Variants in KDM4C observed in about 807,000 individuals in gnomAD.
The protein encoded by KDM4C is lysine demethylase 4C, also known as lysine-specific demethylase 4C.
In KDM4C, 81 loss-of-function variants were observed where a neutral mutation model predicts 129.3. The observed-to-expected ratio is 0.63, with a 90% CI of 0.52 to 0.75. The LOEUF (loss-of-function observed/expected upper bound fraction) is 0.75, where lower values mean the gene tolerates loss of function less well. Among genes scored for constraint, KDM4C ranks in the 30% least tolerant of loss-of-function variants. The probability of loss-of-function intolerance (pLI) is 0.00; values close to 1 mark genes in which losing one functional copy is unlikely to be tolerated. For synonymous variants in KDM4C, 573 were observed against 456.1 expected, an observed-to-expected ratio of 1.26 and a Z score of -3.26; for missense variants, 1,457 against 1,304.0, an observed-to-expected ratio of 1.12 and a Z score of -1.81.
intron 19 of KDM4C, among the ~76,000 whole-genome samples, chr9:7,147,883 G>T (rs549934682): frequency 6.6e-6 from 1 of 152,198 alleles, no homozygotes; most frequent in East Asian, 1.9e-4. Context: ...GGCTGGTGGC[G>T]CCTCTGCTTG....
chr9:7,138,258 G>T (rs1034989206), intron 19 of KDM4C, among the ~76,000 whole-genome samples: 1 of 152,148 alleles, frequency 6.6e-6, no homozygotes, highest in Non-Finnish European at 1.5e-5. Context: ...TATAATGCTT[G>T]TTGGTTGTGT....
chr9:7,046,126 A>C (rs893834522), intron 15 of KDM4C, among the ~76,000 whole-genome samples: 1 of 152,026 alleles, frequency 6.6e-6, no homozygotes, highest in African/African-American at 2.4e-5. Context: ...GGTCTTTTTC[A>C]TGAGAGTGTA....
At chr9:7,135,120 C>T (rs1841051606) in intron 19 of KDM4C, among the ~76,000 whole-genome samples, 1 of 152,156 alleles carries the variant, frequency 6.6e-6, no homozygotes, top group African/African-American at 2.4e-5. Context: ...TCACTGACCC[C>T]AATTCTGTAG....
chr9:6,742,125 A>G (rs1014617516), intron 1 of KDM4C, among the ~76,000 whole-genome samples: 3 of 150,434 alleles, frequency 2.0e-5, no homozygotes, highest in Admixed American at 6.6e-5. Flanking sequence ...GGTGTGTGCC[A>G]CCATGCCTGG....
At chr9:6,821,980 A>G (rs981476314) in intron 4 of KDM4C, among the ~76,000 whole-genome samples, 10 of 152,056 alleles carry the variant, frequency 6.6e-5, no homozygotes, top group Admixed American at 5.9e-4. Flanking sequence ...TGATTTCCTT[A>G]GGTTATACTA....
At chr9:6,907,860 T>G (rs1370811626) in intron 8 of KDM4C, among the ~76,000 whole-genome samples, 1 of 152,242 alleles carries the variant, frequency 6.6e-6, no homozygotes, top group Non-Finnish European at 1.5e-5. Context: ...TTCATACAAT[T>G]AAAAGTCACT....
chr9:7,053,255 T>C (rs77620418), intron 17 of KDM4C, among the ~76,000 whole-genome samples: 1,837 of 152,346 alleles, frequency 0.012, 38 homozygotes, highest in African/African-American at 0.039. Context: ...GTAACACTAT[T>C]GTTAGTCGTT....
rs1820893540 is a variant in KDM4C at position 7,002,410 on chromosome 9, T to G, written c.1787-9288T>G. ...TACAATGTGGAATAAGTTAGTTGAC[T>G]TATGTGTCACCTTAAATACATAATA... On this transcript the variant is annotated intron_variant, in intron 12 of 21. Coordinates refer to ENST00000381309, the MANE Select transcript of KDM4C (RefSeq NM_015061.6). Among the ~76,000 whole-genome samples the G allele has an allele frequency of 2.0e-5, 3 of 152,234 alleles. No individual in the cohort carries two copies. The South Asian group carries it at 6.2e-4, about 32-fold the overall frequency.
chr9:6,724,856 C>G (rs917589381), intron 1 of KDM4C, among the ~76,000 whole-genome samples: 22 of 152,088 alleles, frequency 1.4e-4, no homozygotes, highest in African/African-American at 5.1e-4. Flanking sequence ...CTTATTGCCA[C>G]TATTACAAAT....
At chr9:6,989,228 A>C (rs957496009) in intron 11 of KDM4C, among the ~76,000 whole-genome samples, 3 of 152,164 alleles carry the variant, frequency 2.0e-5, no homozygotes, top group African/African-American at 7.2e-5. Flanking sequence ...ATTTTCTTAG[A>C]ATCATGTGTT....
intron 4 of KDM4C, among the ~76,000 whole-genome samples, chr9:6,819,945 T>G (rs1832739182): frequency 6.6e-6 from 1 of 152,196 alleles, no homozygotes; most frequent in South Asian, 2.1e-4. Flanking sequence ...AATTGCAGTT[T>G]CCTTTTTCCT....
intron 8 of KDM4C, among the ~76,000 whole-genome samples, chr9:6,943,395 A>G (rs560813348): frequency 1.3e-5 from 2 of 152,312 alleles, no homozygotes; most frequent in African/African-American, 4.8e-5. Context: ...TTCTCTTTGG[A>G]TAAAACACCA....
chr9:7,161,354 C>T (rs1843768373), intron 19 of KDM4C, among the ~76,000 whole-genome samples: 1 of 152,126 alleles, frequency 6.6e-6, no homozygotes, highest in Non-Finnish European at 1.5e-5. Context: ...CCAACCAGTC[C>T]CAATGAGATG....
At chr9:7,088,745 T>C (rs1224607049) in intron 17 of KDM4C, among the ~76,000 whole-genome samples, 1 of 152,168 alleles carries the variant, frequency 6.6e-6, no homozygotes, top group Admixed American at 6.5e-5. Context: ...TAAAATATTT[T>C]CCATGCCTCA....
chr9:6,849,203 T>G (rs896962165), intron 4 of KDM4C, among the ~76,000 whole-genome samples: 1 of 152,180 alleles, frequency 6.6e-6, no homozygotes, highest in African/African-American at 2.4e-5. Flanking sequence ...CAGTAATTTT[T>G]TGCTGACAGC....
chr9:6,745,643 T>A (rs1406414853), intron 1 of KDM4C, among the ~76,000 whole-genome samples: 2 of 152,042 alleles, frequency 1.3e-5, no homozygotes, highest in East Asian at 1.9e-4. Context: ...CATTATATTT[T>A]ATTTTATTTT....
chr9:7,012,594 A>G (rs1041533224), intron 13 of KDM4C, among the ~76,000 whole-genome samples: 8 of 152,158 alleles, frequency 5.3e-5, no homozygotes, highest in Admixed American at 3.3e-4. Flanking sequence ...GCCAAGACTC[A>G]CTACAAACTA....
intron 12 of KDM4C, 24 bp downstream of exon 12, chr9:6,990,548 ATTT>A (rs35634202): frequency 0.1 from 114,080 of 1,145,470 alleles, 21 homozygotes; most frequent in South Asian, 0.13. Flanking sequence ...CCTTTTTGGG[ATTT>A]TTTTTTTTTT....
chr9:7,013,976 A>T lies in KDM4C; in HGVS notation c.2157A>T (p.Ala719=). 1 of 1,613,844 alleles carries T rather than the reference A, an allele frequency of 6.2e-7. No individual in the cohort carries two copies. The highest frequency in any genetic ancestry group is 1.1e-5 in the South Asian group (1 of 91,060). The part of the protein sequence containing the change: ...EDGTSLLISC[A]KCCVRVHASC... The stretch of plus-strand genomic sequence containing the variant: ...GAACAAGTCTCCTTATTTCCTGTGC[A>T]AAGTGCTGCGTACGGGTTCATGCAA... Residue 719 remains alanine, a synonymous_variant, in exon 14 of 22, where the codon GCA becomes GCT. Coordinates refer to ENST00000381309, the MANE Select transcript of KDM4C (RefSeq NM_015061.6).
Sources: gnomAD v4.1 joint callset for allele counts (sites outside exome capture counted in the v4.1 genomes callset) on GRCh38, gnomAD v4.1.1 for gene constraint, MANE v1.5 for transcripts, NCBI Gene and HGNC (gene_info 2026-07-23, HGNC 2026-07-21) for gene names.